GPI: variants seen among roughly 807,000 people sequenced by gnomAD.
GPI encodes glucose-6-phosphate isomerase, also known as D-hexose-6-phosphate anomerase.
A neutral mutation model predicts 75.8 loss-of-function variants in GPI; 56 were observed. The ratio of observed to expected loss-of-function variants is 0.74; its 90% CI spans 0.60 to 0.92. GPI has a LOEUF of 0.92. Among genes scored for constraint, GPI ranks in the 40% least tolerant of loss-of-function variants. GPI has a pLI of 0.00. For synonymous variants in GPI, 288 were observed against 285.4 expected (o/e 1.01, Z -0.09); for missense variants, 638 against 741.0 (o/e 0.86, Z 1.61).
rs747466827 is a variant in GPI at position 34,396,347 on chromosome 19, G to A, written c.1109G>A (p.Arg370His). The A allele has an allele frequency of 1.2e-5, 19 of 1,614,076 alleles. No homozygotes were observed. The East Asian group carries it at 1.3e-4, about 11-fold the overall frequency. The change falls in exon 13 of 18, where the codon CGT becomes CAT. Residue 370 changes from arginine to histidine, a missense_variant. Physicochemically the swap from Arg to His is conservative, Grantham distance 29. Coordinates refer to ENST00000356487, the MANE Select transcript of GPI (RefSeq NM_000175.5). ...NGKYITKSGT[R>H]VDHQTGPIVW... ...AAATACATCACCAAATCTGGAACCC[G>A]TGTGGACCACCAGACAGGCCCCATT...
intron 6 of GPI, among the ~76,000 whole-genome samples, chr19:34,378,232 C>A (rs2074580620): frequency 1.3e-5 from 2 of 152,194 alleles, no homozygotes; most frequent in South Asian, 4.1e-4. Context: ...CTGGCTCTGT[C>A]ACCCAGGCTG....
In GPI at chr19:34,371,999, C is replaced by T. The variant is rs920951126; in HGVS notation, c.402+3297C>T. Among the ~76,000 whole-genome samples the T allele has an allele frequency of 9.3e-5, 14 of 150,650 alleles. No individual in the cohort carries two copies. The East Asian group carries it at 2.0e-3, about 21-fold the overall frequency. ...AGGCTGGAGTGCAATGGCGAGTTCTCGGCTCACTGCAACCTCCGCCTCCCA... is the reference window on the plus strand; with the variant it reads ...AGGCTGGAGTGCAATGGCGAGTTCTTGGCTCACTGCAACCTCCGCCTCCCA... On this transcript the variant is annotated intron_variant, in intron 4 of 17. Coordinates refer to ENST00000356487, the MANE Select transcript of GPI (RefSeq NM_000175.5).
At chr19:34,373,605 T>C (rs73582639) in intron 4 of GPI, among the ~76,000 whole-genome samples, 2,939 of 150,068 alleles carry the variant, frequency 0.02, 109 homozygotes, top group African/African-American at 0.068. Context: ...ATCTTATTAG[T>C]GTATAGTAAT....
intron 8 of GPI, among the ~76,000 whole-genome samples, chr19:34,380,088 C>G (rs1383005089): frequency 1.4e-5 from 2 of 148,080 alleles, no homozygotes; most frequent in Non-Finnish European, 3.0e-5. Context: ...CCTCTGCCTT[C>G]CAGGTTCAAG....
rs201283206 is a variant in GPI at position 34,377,593 on chromosome 19, A to G, written c.486+7A>G. 1.8e-4 allele frequency: 286 copies of G among 1,610,212 alleles called. 1 individual carries two copies. The East Asian group carries it at 5.2e-3, about 29-fold the overall frequency. Reference sequence around the variant, plus strand: ...CATTGGCGGCTCCGACCTGGTGAGGAGAAAACTGCCTTGGGGTAGGGTGGG... The same window carrying G: ...CATTGGCGGCTCCGACCTGGTGAGGGGAAAACTGCCTTGGGGTAGGGTGGG... On this transcript the variant is annotated splice_region_variant and intron_variant, in intron 5 of 17. Transcript: ENST00000356487.
At chr19:34,371,138 T>C (rs747282103) in intron 4 of GPI, among the ~76,000 whole-genome samples, 2 of 152,250 alleles carry the variant, frequency 1.3e-5, no homozygotes, top group African/African-American at 2.4e-5. Flanking sequence ...TCTGGGGTGC[T>C]GTTTCCAGGA....
intron 9 of GPI, chr19:34,392,843 G>C (rs1408528640): frequency 3.7e-6 from 1 of 273,518 alleles, no homozygotes; most frequent in East Asian, 8.8e-5. Flanking sequence ...GTCTGAGGAG[G>C]TGGGCCCTGG....
chr19:34,360,183 C>G (rs2074293841), upstream of GPI, among the ~76,000 whole-genome samples: 1 of 152,130 alleles, frequency 6.6e-6, no homozygotes, highest in African/African-American at 2.4e-5. Context: ...ATGACCCCTC[C>G]CAGCTTCACT....
Position 34,393,723 on chromosome 19 carries a change from C to T in GPI, c.866-5C>T. The T allele has an allele frequency of 6.2e-7, 1 of 1,613,444 alleles. No individual in the cohort carries two copies. The highest frequency in any genetic ancestry group is 8.5e-7 in the Non-Finnish European group (1 of 1,179,882). Reference sequence around the variant, plus strand: ...ACTTCTGTTGACTCTGCTTTTGTGTCACAGGTTTTGACAACTTCGAGCAGC... The same window carrying T: ...ACTTCTGTTGACTCTGCTTTTGTGTTACAGGTTTTGACAACTTCGAGCAGC... On this transcript the variant is annotated splice_region_variant and splice_polypyrimidine_tract_variant and intron_variant, in intron 10 of 17. Coordinates refer to ENST00000356487, the MANE Select transcript of GPI (RefSeq NM_000175.5). The surrounding 1 kb of genome is among the most constrained non-coding windows in gnomAD (Gnocchi z 4.4).
At chr19:34,360,344 A>G (rs1479902252), upstream of GPI, among the ~76,000 whole-genome samples, 1 of 152,162 alleles carries the variant, frequency 6.6e-6, no homozygotes, top group Non-Finnish European at 1.5e-5. Context: ...TGTAATCCCA[A>G]CAGTTTGGGA....
At chr19:34,368,940 C>T (rs2145327772) in intron 4 of GPI, 1 of 599,648 alleles carries the variant, frequency 1.7e-6, no homozygotes, top group African/African-American at 1.8e-5. Context: ...CAGTTTCTTT[C>T]CTGAATTGTA....
intron 12 of GPI, among the ~76,000 whole-genome samples, chr19:34,395,245 T>G (rs564136643): frequency 6.6e-6 from 1 of 152,070 alleles, no homozygotes; most frequent in Non-Finnish European, 1.5e-5. Context: ...GGCTGTACTC[T>G]TAGCCAGGCA....
rs202206681 is a variant in GPI at position 34,396,288 on chromosome 19, G to A, written c.1063-13G>A. On this transcript the variant is annotated splice_polypyrimidine_tract_variant and intron_variant, in intron 12 of 17. Transcript: ENST00000356487. Reference sequence around the variant, plus strand: ...TCATTTTGCCAAGAACTGGGTTTCTGTTCCTTTTCCAGGGCGACATGGAGT... The same window carrying A: ...TCATTTTGCCAAGAACTGGGTTTCTATTCCTTTTCCAGGGCGACATGGAGT... 7 of 1,614,040 alleles carry A rather than the reference G, an allele frequency of 4.3e-6. No individual in the cohort carries two copies. The Admixed American group carries it at 1.0e-4, about 23-fold the overall frequency.
At chr19:34,369,053 C>CT (rs891228498) in intron 4 of GPI, among the ~76,000 whole-genome samples, 113 of 144,246 alleles carry the variant, frequency 7.8e-4, no homozygotes, top group South Asian at 1.1e-3. Flanking sequence ...TTTCTTTTTT[C>CT]TTTTTTTTTT....
At chr19:34,375,516 G>C (rs2074522061) in intron 4 of GPI, among the ~76,000 whole-genome samples, 1 of 152,102 alleles carries the variant, frequency 6.6e-6, no homozygotes, top group African/African-American at 2.4e-5. Context: ...TTAGCTGGTT[G>C]GTCTTGGTTT....
chr19:34,393,470 G>A lies in GPI; in HGVS notation c.865+162G>A. 2 of 771,326 alleles carry A rather than the reference G, an allele frequency of 2.6e-6. No homozygotes were observed. The highest frequency in any genetic ancestry group is 4.5e-6 in the Non-Finnish European group (2 of 440,080). 47.8% of individuals were successfully genotyped at this position (771,326 alleles called of 1,614,324 possible). ...ATTTCATGTCCAGAAGGAAGGTCTG[G>A]GTTTTTTTGCGTGTGCAAGTTGGCC... On this transcript the variant is annotated intron_variant, in intron 10 of 17. Coordinates refer to ENST00000356487, the MANE Select transcript of GPI (RefSeq NM_000175.5). This position sits in a 1 kb window ranked among gnomAD's most constrained non-coding sequence, Gnocchi z 4.4.
At chr19:34,369,510 C>A (rs1235685429) in intron 4 of GPI, among the ~76,000 whole-genome samples, 1 of 151,906 alleles carries the variant, frequency 6.6e-6, no homozygotes, top group African/African-American at 2.4e-5. Flanking sequence ...AGTTCGAGAC[C>A]AGCCTGGCCA....
chr19:34,370,500 T>C (rs1221458866), intron 4 of GPI, among the ~76,000 whole-genome samples: 6 of 151,940 alleles, frequency 3.9e-5, no homozygotes, highest in African/African-American at 9.7e-5. Context: ...AGGTGGATCA[T>C]GTGAGGTCGG....
intron 12 of GPI, among the ~76,000 whole-genome samples, chr19:34,394,366 A>G (rs2074914430): frequency 7.3e-6 from 1 of 136,600 alleles, no homozygotes; most frequent in Non-Finnish European, 1.6e-5. Flanking sequence ...TCTTTCTTGC[A>G]CATCACTATG....
Sources: allele counts gnomAD v4.1 joint callset (sites outside exome capture counted in the v4.1 genomes callset), GRCh38; gene constraint gnomAD v4.1.1; non-coding constraint Gnocchi (gnomAD v3.1); transcripts MANE v1.5; gene names NCBI Gene and HGNC (gene_info 2026-07-23, HGNC 2026-07-21).